Variants in CNTN4 observed in about 807,000 individuals in gnomAD.
The protein encoded by CNTN4 is contactin-4.
Under a neutral mutation model 122.5 loss-of-function variants are expected in CNTN4, and 77 were observed. The ratio of observed to expected loss-of-function variants is 0.63; its 90% CI spans 0.52 to 0.76. CNTN4 has a LOEUF of 0.76. Among genes scored for constraint, CNTN4 ranks in the 30% least tolerant of loss-of-function variants. CNTN4 has a pLI of 0.00. For missense variants in CNTN4, 1,256 were observed against 1,259.1 expected (o/e 1.00, Z 0.04); for synonymous variants, 512 against 447.0 (o/e 1.15, Z -1.83).
At chr3:2,930,112 C>A (rs2094506667) in intron 13 of CNTN4, among the ~76,000 whole-genome samples, 1 of 152,182 alleles carries the variant, frequency 6.6e-6, no homozygotes, top group Non-Finnish European at 1.5e-5. Context: ...CCACCCCTCC[C>A]TTCCCTTTCT....
intron 2 of CNTN4, among the ~76,000 whole-genome samples, chr3:2,230,950 T>C (rs1285574984): frequency 3.3e-5 from 5 of 152,056 alleles, no homozygotes; most frequent in Non-Finnish European, 7.4e-5. Context: ...ATCATGCCAC[T>C]GCACTCCAGC....
intron 2 of CNTN4, among the ~76,000 whole-genome samples, chr3:2,261,247 A>G (rs1361932095): frequency 6.6e-6 from 1 of 152,146 alleles, no homozygotes; most frequent in African/African-American, 2.4e-5. Context: ...CATTTATACT[A>G]TATTTGTTTT....
rs116974523 is a variant in CNTN4, at chr3:2,359,211, C to T, written c.-89+19978C>T. On this transcript the variant is annotated intron_variant, in intron 3 of 24. Transcript: ENST00000418658. ...AGATACATCTGCACCATTTAATTAG[C>T]TGGATGTGAGTCTACAGTAGAGTCA... Among the ~76,000 whole-genome samples the T allele has an allele frequency of 1.3e-4, 20 of 152,156 alleles. No individual in the cohort carries two copies. The East Asian group carries it at 3.7e-3, about 28-fold the overall frequency.
rs774883808 is a variant in CNTN4 at position 2,105,326 on chromosome 3, G to A, written c.-145+4687G>A. On this transcript the variant is annotated intron_variant, in intron 2 of 24. Coordinates refer to ENST00000418658, the MANE Select transcript of CNTN4 (RefSeq NM_175607.3). ...AGCTCCTCTTGCATCATGTGAGCCC[G>A]TTAATCTGGCTATGCCTAAAGTGAG... Among the ~76,000 whole-genome samples the A allele has an allele frequency of 1.6e-4, 25 of 152,188 alleles. 1 individual carries two copies. The highest frequency in any genetic ancestry group is 5.2e-4 in the Admixed American group (8 of 15,272).
At chr3:2,305,796 C>A (rs571773727) in intron 2 of CNTN4, among the ~76,000 whole-genome samples, 1 of 152,276 alleles carries the variant, frequency 6.6e-6, no homozygotes, top group South Asian at 2.1e-4. Context: ...CCATATTTAC[C>A]TGTCCATCAA....
chr3:2,198,433 T>C (rs1387756920), intron 2 of CNTN4, among the ~76,000 whole-genome samples: 1 of 152,208 alleles, frequency 6.6e-6, no homozygotes, highest in East Asian at 1.9e-4. Flanking sequence ...TGTATCATGA[T>C]GATTTTTACT....
At position 2,866,652 on chromosome 3, in the gene CNTN4, C is replaced by A. The variant is rs2093726983; in HGVS notation, c.455-100C>A. 7 of 1,269,226 alleles carry A rather than the reference C, an allele frequency of 5.5e-6. No individual in the cohort carries two copies. The South Asian group carries it at 7.3e-5, about 13-fold the overall frequency. 78.6% of individuals were successfully genotyped at this position (1,269,226 alleles called of 1,614,324 possible). On this transcript the variant is annotated intron_variant, in intron 7 of 24. Transcript: ENST00000418658. ...AGTGGGCTGAAAAAGAGTCATTGGACAACAATGTATACATTTTTAACCTGA... is the reference window on the plus strand; with the variant it reads ...AGTGGGCTGAAAAAGAGTCATTGGAAAACAATGTATACATTTTTAACCTGA...
intron 9 of CNTN4, among the ~76,000 whole-genome samples, chr3:2,884,522 G>T (rs952560479): frequency 6.6e-6 from 1 of 152,120 alleles, no homozygotes; most frequent in African/African-American, 2.4e-5. Flanking sequence ...GACATTAAAA[G>T]TCAAGTTGCA....
chr3:2,869,428 G>T (rs2093760900), intron 8 of CNTN4, among the ~76,000 whole-genome samples: 1 of 152,182 alleles, frequency 6.6e-6, no homozygotes, highest in Admixed American at 6.5e-5. Flanking sequence ...GGAGACAGTG[G>T]AAGAGAAAAT....
chr3:2,871,579 G>A lies in CNTN4; in HGVS notation c.652+4630G>A, dbSNP rs115847472. On this transcript the variant is annotated intron_variant, in intron 8 of 24. Transcript: ENST00000418658. Reference sequence around the variant, plus strand: ...AGAACATTGTTTGATAAAGATTATTGGACCTAATAGGCACTTAGAGATCAT... The same window carrying A: ...AGAACATTGTTTGATAAAGATTATTAGACCTAATAGGCACTTAGAGATCAT... Among the ~76,000 whole-genome samples the A allele has an allele frequency of 2.9e-3, 434 of 152,004 alleles. 2 individuals are homozygous for A. The highest frequency in any genetic ancestry group is 9.8e-3 in the African/African-American group (407 of 41,452).
Position 2,745,629 on chromosome 3 carries a change from C to T in CNTN4, c.290C>T (p.Thr97Met), listed in dbSNP as rs780874348. 9.4e-5 allele frequency: 152 copies of T among 1,613,986 alleles called. 2 individuals are homozygous for T. The highest frequency in any genetic ancestry group is 4.9e-4 in the Middle Eastern group (3 of 6,084). The change falls in exon 6 of 25, where the codon ACG becomes ATG. Residue 97 changes from threonine (T) to methionine (M), a missense_variant. By Grantham distance (81) the Thr-to-Met change is moderately conservative. Coordinates refer to ENST00000418658, the MANE Select transcript of CNTN4 (RefSeq NM_175607.3). ...NNPNKTQDAG[T>M]YQCTATNSFG... ...CCCAATAAAACCCAAGATGCTGGAACGTACCAGTGCACAGCGACAAACTCG... is the reference window on the plus strand; with the variant it reads ...CCCAATAAAACCCAAGATGCTGGAATGTACCAGTGCACAGCGACAAACTCG...
At chr3:2,690,411 C>G (rs768576201) in intron 4 of CNTN4, among the ~76,000 whole-genome samples, 35 of 152,210 alleles carry the variant, frequency 2.3e-4, no homozygotes, top group Admixed American at 9.8e-4. Context: ...AGATACGTAG[C>G]CCCACACTAG....
At chr3:2,924,618 A>C (rs1266672116) in intron 12 of CNTN4, among the ~76,000 whole-genome samples, 1 of 152,226 alleles carries the variant, frequency 6.6e-6, no homozygotes, top group African/African-American at 2.4e-5. Flanking sequence ...GGAAAGAAAT[A>C]ATTCTCTGAT....
At chr3:3,025,999 A>G in intron 14 of CNTN4, 103 bp from the exon 15 acceptor site, 1 of 1,169,844 alleles carries the variant, frequency 8.5e-7, no homozygotes, top group Non-Finnish European at 1.2e-6. Context: ...AAATAAAGCA[A>G]AATTACTTAG....
intron 2 of CNTN4, among the ~76,000 whole-genome samples, chr3:2,165,853 A>G (rs1466814635): frequency 6.6e-6 from 1 of 152,066 alleles, no homozygotes; most frequent in African/African-American, 2.4e-5. Flanking sequence ...TGATGTTGCA[A>G]CTGGCAGAAT....
chr3:2,851,827 C>T (rs1035720048), intron 7 of CNTN4, among the ~76,000 whole-genome samples: 1 of 152,056 alleles, frequency 6.6e-6, no homozygotes, highest in Non-Finnish European at 1.5e-5. Flanking sequence ...TTCAGTACTG[C>T]CCTAATCACT....
intron 4 of CNTN4, among the ~76,000 whole-genome samples, chr3:2,706,118 A>G (rs903322059): frequency 2.7e-5 from 4 of 150,696 alleles, no homozygotes; most frequent in Admixed American, 2.0e-4. Context: ...TTAGACATCT[A>G]TTAATCTAGC....
chr3:2,381,457 A>C (rs1218814485), intron 3 of CNTN4, among the ~76,000 whole-genome samples: 2 of 152,202 alleles, frequency 1.3e-5, no homozygotes, highest in Non-Finnish European at 2.9e-5. Context: ...TCTCTTACTT[A>C]GCTATCACTA....
chr3:2,903,094 C>T lies in CNTN4; in HGVS notation c.1207+89C>T, dbSNP rs573420794. 4.1e-5 allele frequency: 55 copies of T among 1,344,774 alleles called. 1 individual carries two copies. The South Asian group carries it at 6.9e-4, about 17-fold the overall frequency. 83.3% of individuals were successfully genotyped at this position (1,344,774 alleles called of 1,614,324 possible). Reference sequence around the variant, plus strand: ...CTTTGCCAAGCATAAATGTTCAATCCAAGAAAAGGAGTAAAGAAATCTTTA... The same window carrying T: ...CTTTGCCAAGCATAAATGTTCAATCTAAGAAAAGGAGTAAAGAAATCTTTA... On this transcript the variant is annotated intron_variant, in intron 12 of 24. Transcript: ENST00000418658.
Sources: allele counts gnomAD v4.1 joint callset (sites outside exome capture counted in the v4.1 genomes callset), GRCh38; gene constraint gnomAD v4.1.1; transcripts MANE v1.5; gene names NCBI Gene and HGNC (gene_info 2026-07-23, HGNC 2026-07-21).